The following SNX25 variants were observed in gnomAD, a reference collection of about 807,000 sequenced individuals.
The protein encoded by SNX25 is sorting nexin 25.
Under a neutral mutation model 113.7 loss-of-function variants are expected in SNX25, and 62 were observed. The ratio of observed to expected loss-of-function variants is 0.55; its 90% CI spans 0.44 to 0.67. SNX25 has a LOEUF of 0.67. Ranked by LOEUF, SNX25 falls within the 30% of genes least tolerant of loss-of-function variation. SNX25 has a pLI of 0.00. For missense variants in SNX25, 1,014 were observed against 1,161.0 expected, an observed-to-expected ratio of 0.87 and a Z score of 1.84; for synonymous variants, 421 against 436.2, an observed-to-expected ratio of 0.97 and a Z score of 0.43.
At chr4:185,305,197 G>C (rs1228562558) in intron 6 of SNX25, among the ~76,000 whole-genome samples, 2 of 152,100 alleles carry the variant, frequency 1.3e-5, no homozygotes, top group Non-Finnish European at 2.9e-5. Flanking sequence ...GTAGAGGCTA[G>C]GCATGCTGCT....
At position 185,335,313 on chromosome 4, in the gene SNX25, GTC is replaced by G. The variant is rs202236288; in HGVS notation, c.1914+2557_1914+2558del. On this transcript the variant is annotated intron_variant, in intron 10 of 18. Transcript: ENST00000652585. ...CCAGCCTGGGCAATAGAGTGAAAAA[GTC>G]TCACACACACACACACACACACACA... 9.5e-3 allele frequency among the ~76,000 whole-genome samples: 980 copies of G among 103,242 alleles called. 10 individuals are homozygous for G. Among genetic ancestry groups the G allele is most frequent in the African/African-American group, 0.036 (936 of 26,202 alleles). 67.7% of individuals were successfully genotyped at this position (103,242 alleles called of 152,430 possible). A position where few individuals can be genotyped will look rare whatever the true frequency, so the allele number is the denominator to read the frequency against.
chr4:185,289,949 G>T (rs1222063905), intron 6 of SNX25, among the ~76,000 whole-genome samples: 1 of 152,224 alleles, frequency 6.6e-6, no homozygotes, highest in African/African-American at 2.4e-5. Flanking sequence ...AGAGCAAGGT[G>T]TCAGCAAGGT....
intron 1 of SNX25, among the ~76,000 whole-genome samples, chr4:185,240,228 C>T (rs1018123067): frequency 1.1e-4 from 16 of 152,168 alleles, no homozygotes; most frequent in African/African-American, 3.4e-4. Context: ...TCCCCCCTTT[C>T]TATTCCACAA....
intron 5 of SNX25, among the ~76,000 whole-genome samples, chr4:185,269,263 A>C (rs1435869737): frequency 6.6e-6 from 1 of 151,938 alleles, no homozygotes; most frequent in Non-Finnish European, 1.5e-5. Context: ...AACTGTACGT[A>C]CACACACACA....
intron 1 of SNX25, among the ~76,000 whole-genome samples, chr4:185,242,372 A>AC (rs1233069496): frequency 1.3e-5 from 2 of 151,670 alleles, no homozygotes; most frequent in African/African-American, 2.4e-5. Context: ...AGAGCCCTCA[A>AC]CCCCCCACCC....
At chr4:185,211,946 T>C (rs1398079375) in intron 1 of SNX25, among the ~76,000 whole-genome samples, 1 of 152,190 alleles carries the variant, frequency 6.6e-6, no homozygotes, top group Admixed American at 6.5e-5. Flanking sequence ...GATTATCATC[T>C]AGAAAGATTG....
intron 6 of SNX25, among the ~76,000 whole-genome samples, chr4:185,302,714 G>GTAAATGTC (rs1753886121): frequency 6.6e-6 from 1 of 152,224 alleles, no homozygotes; most frequent in Non-Finnish European, 1.5e-5. Context: ...GCTGTGCGGA[G>GTAAATGTC]TAAATGTCTG....
At chr4:185,271,220 A>T (rs1681586246) in intron 5 of SNX25, among the ~76,000 whole-genome samples, 1 of 152,190 alleles carries the variant, frequency 6.6e-6, no homozygotes, top group South Asian at 2.1e-4. Context: ...GAGTTTGCAG[A>T]GTCAGTGGGA....
intron 1 of SNX25, among the ~76,000 whole-genome samples, chr4:185,222,041 TACAGCACCATATACCCCTCCTTC>T (rs1739974450): frequency 4.0e-5 from 1 of 25,248 alleles, no homozygotes; most frequent in African/African-American, 1.1e-4. Context: ...ACTGTAGGTA[TACAGCACCATATACCCCTCCTTC>T]ATGGTAGGTA....
intron 10 of SNX25, among the ~76,000 whole-genome samples, chr4:185,335,300 A>T (rs187530981): frequency 3.2e-4 from 47 of 147,590 alleles, no homozygotes; most frequent in African/African-American, 1.1e-3. Flanking sequence ...AGCCTGGGCA[A>T]TAGAGTGAAA....
intron 6 of SNX25, among the ~76,000 whole-genome samples, chr4:185,294,673 T>C (rs952204043): frequency 6.6e-6 from 1 of 152,238 alleles, no homozygotes; most frequent in Non-Finnish European, 1.5e-5. Flanking sequence ...GTAAAGCTGA[T>C]GCTGCCGCAT....
At chr4:185,359,415 C>G (rs1220004246) in intron 16 of SNX25, among the ~76,000 whole-genome samples, 1 of 151,658 alleles carries the variant, frequency 6.6e-6, no homozygotes, top group Non-Finnish European at 1.5e-5. Flanking sequence ...TTTTGTTTTA[C>G]TCAGAAAAAA....
At chr4:185,204,285 G>A (rs1160225540) in exon 1 of SNX25, 2 of 152,224 alleles carry the variant, frequency 1.3e-5, no homozygotes, top group Non-Finnish European at 2.9e-5. Context: ...TTGTTCTCGT[G>A]CGTTAATAGG....
chr4:185,356,459 T>G (rs916060268), intron 15 of SNX25, among the ~76,000 whole-genome samples: 21 of 152,302 alleles, frequency 1.4e-4, no homozygotes, highest in Non-Finnish European at 1.9e-4. Context: ...AATGCCAACC[T>G]AAAATGAACA....
At chr4:185,296,925 A>G (rs957076857) in intron 6 of SNX25, among the ~76,000 whole-genome samples, 5 of 152,172 alleles carry the variant, frequency 3.3e-5, no homozygotes, top group African/African-American at 1.2e-4. Flanking sequence ...CTAACTGGCT[A>G]ATTTCAATGG....
chr4:185,220,681 CA>C (rs1190719064), intron 1 of SNX25, among the ~76,000 whole-genome samples: 1 of 151,912 alleles, frequency 6.6e-6, no homozygotes, highest in Non-Finnish European at 1.5e-5. Context: ...GGGGTTTCAC[CA>C]TGTTAGCCAG....
intron 5 of SNX25, among the ~76,000 whole-genome samples, chr4:185,270,079 C>CAA (rs35691426): frequency 2.3e-4 from 29 of 123,480 alleles, no homozygotes; most frequent in African/African-American, 3.4e-4. Flanking sequence ...AGAAGTAGCT[C>CAA]AAAAAAAAAA....
rs75178413 is a variant in SNX25 at position 185,294,844 on chromosome 4, G to C, written c.1162+6762G>C. Among the ~76,000 whole-genome samples the C allele has an allele frequency of 8.7e-3, 1,318 of 151,424 alleles. 13 individuals carry two copies. The highest frequency in any genetic ancestry group is 0.03 in the African/African-American group (1,220 of 41,250). On this transcript the variant is annotated intron_variant, in intron 6 of 18. Coordinates refer to ENST00000652585, the MANE Select transcript of SNX25 (RefSeq NM_001378034.2). ...ACTTTTTTTTTTTAAGAAAAAATAA[G>C]AACAAATTTAGCATTCCTCGTTGTC...
At chr4:185,223,136 C>CA (rs758961167) in intron 1 of SNX25, among the ~76,000 whole-genome samples, 15 of 152,108 alleles carry the variant, frequency 9.9e-5, no homozygotes, top group Non-Finnish European at 1.9e-4. Context: ...TTTGTATCTC[C>CA]ACCCCAATAT....
Sources: allele counts gnomAD v4.1 joint callset (sites outside exome capture counted in the v4.1 genomes callset), GRCh38; gene constraint gnomAD v4.1.1; transcripts MANE v1.5; gene names NCBI Gene and HGNC (gene_info 2026-07-23, HGNC 2026-07-21).